The following TTLL10 variants were observed in gnomAD, a reference collection of about 807,000 sequenced individuals.
TTLL10 encodes tubulin tyrosine ligase like 10.
In TTLL10, 61 loss-of-function variants were observed where a neutral mutation model predicts 69.0. The ratio of observed to expected loss-of-function variants is 0.88; its 90% CI spans 0.72 to 1.09. The LOEUF is 1.09. Among genes scored for constraint, TTLL10 ranks in the 50% least tolerant of loss-of-function variants. The pLI is 0.00. For synonymous variants in TTLL10, 408 were observed against 393.3 expected (o/e 1.04, Z -0.44); for missense variants, 962 against 945.9 (o/e 1.02, Z -0.22).
chr1:1,183,139 G>A, intron 11 of TTLL10, 92 bp downstream of exon 11: 1 of 1,433,928 alleles, frequency 7.0e-7, no homozygotes, highest in Non-Finnish European at 9.2e-7. Context: ...GGAGCCCTTG[G>A]TCGTGGAAAG....
At chr1:1,179,901 T>C in intron 5 of TTLL10, 133 bp from the exon 6 acceptor site, 1 of 1,437,202 alleles carries the variant, frequency 7.0e-7, no homozygotes, top group Non-Finnish European at 9.1e-7. Flanking sequence ...CGGGCTGAAC[T>C]TGAGCCCCAG....
chr1:1,179,391 A>T, intron 4 of TTLL10, 58 bp downstream of exon 4: 1 of 1,477,768 alleles, frequency 6.8e-7, no homozygotes, highest in Non-Finnish European at 9.3e-7. Context: ...CCTCCCTGGG[A>T]CGGGTGCCCC....
intron 13 of TTLL10, among the ~76,000 whole-genome samples, chr1:1,195,317 TA>T (rs939081987): frequency 1.3e-5 from 2 of 152,014 alleles, no homozygotes; most frequent in African/African-American, 4.8e-5. Flanking sequence ...TTCCTCAGAC[TA>T]AATAATCTCA....
intron 8 of TTLL10, 34 bp downstream of exon 8, chr1:1,180,894 C>T (rs768848193): frequency 3.0e-5 from 46 of 1,513,454 alleles, no homozygotes; most frequent in Middle Eastern, 2.1e-4. Flanking sequence ...CCCGTCCCTG[C>T]GCCCGCCCCT....
At position 1,197,110 on chromosome 1, in the gene TTLL10, G is replaced by A; in HGVS notation, c.1536G>A (p.Met512Ile). 6.4e-7 allele frequency: 1 copy of A among 1,551,086 alleles called. No individual in the cohort carries two copies. The highest frequency in any genetic ancestry group is 8.7e-7 in the Non-Finnish European group (1 of 1,146,792). ...TGGGGCAGGTATGGCTGCTGGAGAT[G>A]AATTCTAACCCAGCCCTGCACACCA... is the stretch of plus-strand genomic sequence containing the variant. ...DDNFKVWLLE[M>I]NSNPALHTNC... The change falls in exon 15 of 16, where the codon ATG (methionine) becomes ATA (isoleucine). Residue 512 changes from methionine (M) to isoleucine (I), a missense_variant. Coordinates refer to ENST00000379289, the MANE Select transcript of TTLL10 (RefSeq NM_001130045.2).
chr1:1,177,101 CGT>C (rs551868628), intron 3 of TTLL10, among the ~76,000 whole-genome samples: 9 of 142,930 alleles, frequency 6.3e-5, no homozygotes, highest in Non-Finnish European at 1.2e-4. Flanking sequence ...TCTGTGTGTA[CGT>C]GTGTGTGTAG....
intron 10 of TTLL10, among the ~76,000 whole-genome samples, 172 bp downstream of exon 10, chr1:1,182,618 A>G (rs1444666504): frequency 6.6e-6 from 1 of 151,186 alleles, no homozygotes; most frequent in Non-Finnish European, 1.5e-5. Flanking sequence ...GTGGGGACTG[A>G]GGAGTTGGAA....
At chr1:1,190,880 T>C (rs1383259100) in intron 13 of TTLL10, among the ~76,000 whole-genome samples, 1 of 150,024 alleles carries the variant, frequency 6.7e-6, no homozygotes, top group African/African-American at 2.5e-5. Flanking sequence ...GGCTGGAGTG[T>C]AATGGCGCAA....
At chr1:1,197,365 C>A in intron 15 of TTLL10, 73 bp from the exon 16 acceptor site, 1 of 796,848 alleles carries the variant, frequency 1.3e-6, no homozygotes, top group South Asian at 1.7e-5. Context: ...GGGTCCCACC[C>A]CTCACACCCT....
rs141755918 is a variant in TTLL10 at position 1,185,929 on chromosome 1, A to T, written c.1401+820A>T. 12 of 738,406 alleles carry T rather than the reference A, an allele frequency of 1.6e-5. No individual in the cohort carries two copies. In the East Asian group the frequency reaches 1.2e-3, roughly 72 times the overall value. The allele number at this position is 738,406 out of a possible 1,614,324, so 45.7% of individuals were successfully genotyped here. A position where few individuals can be genotyped will look rare whatever the true frequency, so the allele number is the denominator to read the frequency against. On this transcript the variant is annotated intron_variant, in intron 13 of 15. Coordinates refer to ENST00000379289, the MANE Select transcript of TTLL10 (RefSeq NM_001130045.2). This position sits in a 1 kb window ranked among gnomAD's most constrained non-coding sequence, Gnocchi z 6.1. The stretch of plus-strand genomic sequence containing the variant: ...CAATTATCACCACCAATTCCAGAAC[A>T]TTTCATCACCTCAAAAAAGAAACAC...
In TTLL10 at chr1:1,197,489, C is replaced by T. The variant is rs1648313772; in HGVS notation, c.1664C>T (p.Pro555Leu). Residue 555 changes from proline to leucine, a missense_variant, in exon 16 of 16, where the codon CCT (proline) becomes CTT (leucine). Physicochemically the swap from Pro to Leu is moderately conservative, Grantham distance 98. Transcript: ENST00000379289. ...RKSLRGQKML[P>L]LLSQRRFVLL... ...AGCCTGCGCGGCCAGAAGATGTTGC[C>T]TCTGCTGTCCCAGCGCCGCTTCGTG... 6.5e-7 allele frequency: 1 copy of T among 1,545,668 alleles called. No homozygotes were observed. The highest frequency in any genetic ancestry group is 8.7e-7 in the Non-Finnish European group (1 of 1,145,902).
At position 1,184,078 on chromosome 1, in the gene TTLL10, A is replaced by G. The variant is rs1386661978; in HGVS notation, c.1247A>G (p.His416Arg). Reference protein sequence around the residue: ...YDPHSSDLGGHLTNQFMQKKS... With the variant: ...YDPHSSDLGGRLTNQFMQKKS... ...CCCCATTCCAGCGACCTCGGCGGCCACTTGACCAACCAGGTGAGTCTGCCA... is the reference window on the plus strand; with the variant it reads ...CCCCATTCCAGCGACCTCGGCGGCCGCTTGACCAACCAGGTGAGTCTGCCA... The change falls in exon 12 of 16, where the codon CAC (histidine) becomes CGC (arginine). Residue 416 changes from histidine (H) to arginine (R), a missense_variant. Coordinates refer to ENST00000379289, the MANE Select transcript of TTLL10 (RefSeq NM_001130045.2). 6.2e-7 allele frequency: 1 copy of G among 1,613,998 alleles called. No individual in the cohort carries two copies. The highest frequency in any genetic ancestry group is 1.7e-5 in the Admixed American group (1 of 60,000).
In TTLL10 at chr1:1,182,978, G is replaced by GGAGCATGGAGGACGACCCC. The variant is rs1557480835; in HGVS notation, c.1020_1038dup (p.Ile347GlufsTer37). The GGAGCATGGAGGACGACCCC allele has an allele frequency of 3.2e-5, 51 of 1,608,494 alleles. No individual in the cohort carries two copies. The highest frequency in any genetic ancestry group is 4.2e-5 in the Non-Finnish European group (50 of 1,178,020). On this transcript the variant is annotated frameshift_variant, in exon 11 of 16. Transcript: ENST00000379289. LOFTEE classifies it high-confidence loss of function. ...GTTGCCGCCCTGCAGGCCAAGACCC[G>GGAGCATGGAGGACGACCCC]GAGCATGGAGGACGACCCCATCCAC...
intron 13 of TTLL10, 129 bp from the exon 14 acceptor site, chr1:1,196,471 G>A: frequency 4.4e-6 from 3 of 682,140 alleles, no homozygotes; most frequent in Non-Finnish European, 7.9e-6. Flanking sequence ...GAACGTGTGG[G>A]CAGGTGTGGC....
intron 4 of TTLL10, 33 bp downstream of exon 4, chr1:1,179,366 T>C (rs1340139496): frequency 6.5e-7 from 1 of 1,536,130 alleles, no homozygotes; most frequent in East Asian, 2.4e-5. Flanking sequence ...GCCTCCTACC[T>C]CTCCAAGGCC....
At chr1:1,175,607 T>TC (rs138610889) in intron 3 of TTLL10, 45,893 of 428,682 alleles carry the variant, frequency 0.11, 2,940 homozygotes, top group African/African-American at 0.22. Flanking sequence ...GCTCTCTGCC[T>TC]CCCGTCACCC....
chr1:1,193,787 T>C (rs1648010308), intron 13 of TTLL10, among the ~76,000 whole-genome samples: 1 of 152,178 alleles, frequency 6.6e-6, no homozygotes, highest in Non-Finnish European at 1.5e-5. Flanking sequence ...TTAATTACCT[T>C]GTCATTTATT....
intron 5 of TTLL10, 50 bp downstream of exon 5, chr1:1,179,787 C>A: frequency 6.7e-7 from 1 of 1,501,958 alleles, no homozygotes; most frequent in Non-Finnish European, 8.9e-7. Context: ...CCAAGCTCCC[C>A]ACCCCCACCT....
rs749389718 is a variant in TTLL10, at chr1:1,197,798, C to T, written c.1973C>T (p.Pro658Leu). The change falls in exon 16 of 16, where the codon CCG (proline) becomes CTG (leucine). Residue 658 changes from proline to leucine, a missense_variant. Pro to Leu is a moderately conservative substitution (Grantham distance 98, BLOSUM62 -3). Transcript: ENST00000379289. ...AGGCACCCGGCGCAAGAGCCTTCCC[C>T]GGGGACAGCCAAGGAGGAACGCGAG... ...GNRHPAQEPSPGTAKEEREEP... is the reference protein window; with the variant it reads ...GNRHPAQEPSLGTAKEEREEP... The T allele has an allele frequency of 3.8e-5, 58 of 1,526,586 alleles. 1 individual carries two copies. The highest frequency in any genetic ancestry group is 3.7e-4 in the South Asian group (30 of 82,100). The allele number at this position is 1,526,586 out of a possible 1,614,324, so 94.6% of individuals were successfully genotyped here. A position where few individuals can be genotyped will look rare whatever the true frequency, so the allele number is the denominator to read the frequency against.
Sources: gnomAD v4.1 joint callset for allele counts (sites outside exome capture counted in the v4.1 genomes callset) on GRCh38, gnomAD v4.1.1 for gene constraint, Gnocchi (gnomAD v3.1) non-coding constraint, MANE v1.5 for transcripts, NCBI Gene and HGNC (gene_info 2026-07-23, HGNC 2026-07-21) for gene names.